Variants in TCHP observed in about 807,000 individuals in gnomAD.
TCHP encodes the protein trichoplein keratin filament-binding protein.
A neutral mutation model predicts 88.7 loss-of-function variants in TCHP; 81 were observed. That is an observed-to-expected ratio of 0.91 (90% CI 0.76 to 1.10). TCHP has a LOEUF of 1.10. Among genes scored for constraint, TCHP ranks in the 50% least tolerant of loss-of-function variants. The pLI, the probability that TCHP is intolerant of heterozygous loss-of-function variation, is 0.00. For missense variants in TCHP, 641 were observed against 632.1 expected, an observed-to-expected ratio of 1.01 and a Z score of -0.15; for synonymous variants, 232 against 232.5, an observed-to-expected ratio of 1.00 and a Z score of 0.02.
intron 10 of TCHP, 34 bp from the exon 11 acceptor site, chr12:109,914,408 C>T (rs146691880): frequency 6.3e-7 from 1 of 1,585,028 alleles, no homozygotes; most frequent in Non-Finnish European, 8.6e-7. Context: ...TAGGGTCAAC[C>T]TCAAAGCTGC....
At chr12:109,915,083 T>C (rs1288861417) in intron 11 of TCHP, 1 of 484,154 alleles carries the variant, frequency 2.1e-6, no homozygotes, top group Non-Finnish European at 3.7e-6. Context: ...GCATACAGCC[T>C]CTCCAGCTTT....
rs1870761501 is a variant in TCHP, at chr12:109,915,494, C to T, written c.1412C>T (p.Ala471Val). 1.2e-6 allele frequency: 2 copies of T among 1,613,956 alleles called. No homozygotes were observed. Among genetic ancestry groups the T allele is most frequent in the Non-Finnish European group, 1.7e-6 (2 of 1,180,002 alleles). ...EARRVEQLSDALLQQEAETMA... is the reference protein window; with the variant it reads ...EARRVEQLSDVLLQQEAETMA... ...CGGCGGGTCGAGCAGCTCTCAGATG[C>T]CCTGCTGCAGCAGGAGGCGGAGACT... Residue 471 changes from alanine (A) to valine (V), a missense_variant, in exon 12 of 13, where the codon GCC (alanine) becomes GTC (valine). Ala to Val is a moderately conservative substitution (Grantham distance 64). Transcript: ENST00000405876.
chr12:109,915,585 A>G, intron 12 of TCHP, 39 bp downstream of exon 12: 1 of 1,577,366 alleles, frequency 6.3e-7, no homozygotes, highest in Non-Finnish European at 8.6e-7. Context: ...CACCGGCAAG[A>G]CAGACTCTGC....
upstream of TCHP, among the ~76,000 whole-genome samples, chr12:109,898,964 A>G (rs1869640420): frequency 6.6e-6 from 1 of 152,082 alleles, no homozygotes; most frequent in African/African-American, 2.4e-5. Flanking sequence ...GAGTATAAGC[A>G]TCTGCCATCA....
upstream of TCHP, among the ~76,000 whole-genome samples, chr12:109,895,568 A>G (rs1194973863): frequency 6.6e-6 from 1 of 152,086 alleles, no homozygotes; most frequent in Non-Finnish European, 1.5e-5. Context: ...GAAGCAGCCT[A>G]GTAGCCCCAG....
intron 9 of TCHP, among the ~76,000 whole-genome samples, chr12:109,911,611 CAAAAAAAAAAAA>C (rs1209414114): frequency 6.6e-5 from 3 of 45,532 alleles, no homozygotes; most frequent in East Asian, 6.4e-4. Context: ...GACTCTGTCT[CAAAAAAAAAAAA>C]AAAAAAAAAA....
intron 9 of TCHP, among the ~76,000 whole-genome samples, chr12:109,911,611 CAAAAAAAAAAA>C (rs1209414114): frequency 4.4e-5 from 2 of 45,524 alleles, no homozygotes; most frequent in African/African-American, 8.1e-5. Context: ...GACTCTGTCT[CAAAAAAAAAAA>C]AAAAAAAAAA....
intron 3 of TCHP, among the ~76,000 whole-genome samples, chr12:109,904,388 G>T (rs1053026631): frequency 2.0e-5 from 3 of 152,148 alleles, no homozygotes; most frequent in Non-Finnish European, 2.9e-5. Flanking sequence ...AGTTCTGTGG[G>T]TCCACAGAGA....
intron 9 of TCHP, among the ~76,000 whole-genome samples, chr12:109,911,611 C>CAAAA (rs1209414114): frequency 3.1e-4 from 14 of 45,434 alleles, no homozygotes; most frequent in Middle Eastern, 0.011. Flanking sequence ...GACTCTGTCT[C>CAAAA]AAAAAAAAAA....
the TCHP span, among the ~76,000 whole-genome samples, chr12:109,891,738 CTT>C: frequency 6.6e-6 from 1 of 151,188 alleles, no homozygotes; most frequent in Non-Finnish European, 1.5e-5. Flanking sequence ...AAGTTTTGCT[CTT>C]GTCGCCCAGG....
In TCHP at chr12:109,906,643, G is replaced by C; in HGVS notation, c.525+3G>C. ...TGCAGAAAGAAGAAAAAAAACAGGT[G>C]TGGTATGTGGCTCTGGGAATAGCCG... On this transcript the variant is annotated splice_donor_region_variant and intron_variant, in intron 5 of 12. Transcript: ENST00000405876. 6.2e-7 allele frequency: 1 copy of C among 1,605,346 alleles called. No homozygotes were observed. Among genetic ancestry groups the C allele is most frequent in the Non-Finnish European group, 8.5e-7 (1 of 1,179,456 alleles).
upstream of TCHP, among the ~76,000 whole-genome samples, chr12:109,896,820 C>G (rs1869572306): frequency 6.6e-6 from 1 of 152,094 alleles, no homozygotes; most frequent in Non-Finnish European, 1.5e-5. Flanking sequence ...GAGGCTGAGG[C>G]AAGAGAATTG....
rs752333254 is a variant in TCHP, at chr12:109,903,033, C to T, written c.7C>T (p.Leu3Phe). The T allele has an allele frequency of 1.3e-6, 2 of 1,596,960 alleles. No individual in the cohort carries two copies. The highest frequency in any genetic ancestry group is 1.7e-6 in the Non-Finnish European group (2 of 1,171,140). ...CTCCCATTCCTGTTCTCAGATGGCG[C>T]TCCCGACGCTGCCGTCCTACTGGTG... Reference protein sequence around the residue: MALPTLPSYWCSQ... With the variant: MAFPTLPSYWCSQ... Residue 3 changes from leucine (L) to phenylalanine (F), a missense_variant, in exon 2 of 13, where the codon CTC (leucine) becomes TTC (phenylalanine). Leu to Phe is a conservative substitution (Grantham distance 22). Coordinates refer to ENST00000405876, the MANE Select transcript of TCHP (RefSeq NM_001143852.2). The surrounding 1 kb of genome is among the most constrained non-coding windows in gnomAD (Gnocchi z 4.6).
chr12:109,910,441 C>T (rs1448771114), intron 8 of TCHP, among the ~76,000 whole-genome samples: 2 of 152,258 alleles, frequency 1.3e-5, no homozygotes, highest in Admixed American at 6.5e-5. Context: ...CTCAGCCTCT[C>T]GAGTAGCTGG....
chr12:109,898,638 C>T (rs990038160), upstream of TCHP, among the ~76,000 whole-genome samples: 1 of 152,128 alleles, frequency 6.6e-6, no homozygotes, highest in East Asian at 1.9e-4. Context: ...CTGTAGAGAC[C>T]ATGTTTTGAG....
intron 12 of TCHP, among the ~76,000 whole-genome samples, 187 bp from the exon 13 acceptor site, chr12:109,916,404 T>C (rs1870818590): frequency 6.6e-6 from 1 of 152,220 alleles, no homozygotes; most frequent in Non-Finnish European, 1.5e-5. Context: ...AAAGTGTTTC[T>C]TAGGGCTAGT....
At chr12:109,884,012 G>C in the TCHP span, among the ~76,000 whole-genome samples, 1 of 152,002 alleles carries the variant, frequency 6.6e-6, no homozygotes, top group African/African-American at 2.4e-5. Flanking sequence ...TTGGAGAACT[G>C]GGGGCCACAT....
the TCHP span, among the ~76,000 whole-genome samples, chr12:109,892,760 TG>T: frequency 6.6e-6 from 1 of 152,192 alleles, no homozygotes; most frequent in East Asian, 1.9e-4. Context: ...ACCATCAGAG[TG>T]CTCTGCCCAA....
chr12:109,906,480 C>A, intron 4 of TCHP, 92 bp from the exon 5 acceptor site: 1 of 1,241,944 alleles, frequency 8.1e-7, no homozygotes, highest in East Asian at 2.4e-5. Context: ...TGGCCACGTT[C>A]CCGCAGGTGG....
Sources: allele counts gnomAD v4.1 joint callset (sites outside exome capture counted in the v4.1 genomes callset), GRCh38; gene constraint gnomAD v4.1.1; non-coding constraint Gnocchi (gnomAD v3.1); transcripts MANE v1.5; gene names NCBI Gene and HGNC (gene_info 2026-07-23, HGNC 2026-07-21).